THBS1: variants seen among roughly 807,000 people sequenced by gnomAD.
THBS1 encodes thrombospondin 1.
THBS1 carries 29 observed loss-of-function variants against 126.1 expected under a neutral mutation model. The ratio of observed to expected loss-of-function variants is 0.23; its 90% CI spans 0.17 to 0.31. The LOEUF (loss-of-function observed/expected upper bound fraction) is 0.31, where lower values mean the gene tolerates loss of function less well. THBS1 is among the 10% of genes least tolerant of loss of function. The pLI, the probability that THBS1 is intolerant of heterozygous loss-of-function variation, is 1.00. For missense variants in THBS1, 1,198 were observed against 1,545.2 expected (o/e 0.78, Z 3.77); for synonymous variants, 496 against 577.8 (o/e 0.86, Z 2.03).
chr15:39,590,174 A>T, intron 13 of THBS1, 151 bp downstream of exon 13: 1 of 823,154 alleles, frequency 1.2e-6, no homozygotes, highest in Non-Finnish European at 1.8e-6. Context: ...TATTAAAATT[A>T]AATCACTTGG....
chr15:39,586,444 T>A (rs1890209584), intron 7 of THBS1: 1 of 152,256 alleles, frequency 6.6e-6, no homozygotes, highest in South Asian at 2.1e-4. Flanking sequence ...TTACAACTAA[T>A]GACCACAGAA....
intron 1 of THBS1, 133 bp from the exon 2 acceptor site, chr15:39,581,696 C>G (rs962060109): frequency 5.4e-6 from 3 of 551,826 alleles, no homozygotes; most frequent in African/African-American, 1.9e-5. Flanking sequence ...ATCCTGTTGT[C>G]CTTCATTTCA....
intron 4 of THBS1, 53 bp downstream of exon 4, chr15:39,583,745 A>C: frequency 6.4e-7 from 1 of 1,556,392 alleles, no homozygotes; most frequent in Non-Finnish European, 8.8e-7. Flanking sequence ...GAATTCCACC[A>C]AAAACAAACT....
chr15:39,595,751 G>A lies in THBS1; in HGVS notation c.*382G>A. ...AGCATTTTCAGGCATGTCAGAGAAG[G>A]GAGGACTCACTAGAATTAGCAAACA... On this transcript the variant is annotated 3_prime_UTR_variant, in exon 22 of 22. Coordinates refer to ENST00000260356, the MANE Select transcript of THBS1 (RefSeq NM_003246.4). 1 of 481,864 alleles carries A rather than the reference G, an allele frequency of 2.1e-6. No homozygotes were observed. The allele number at this position is 481,864 out of a possible 1,614,324, so 29.8% of individuals were successfully genotyped here. A position where few individuals can be genotyped will look rare whatever the true frequency, so the allele number is the denominator to read the frequency against.
intron 14 of THBS1, 103 bp from the exon 15 acceptor site, chr15:39,591,088 T>C: frequency 7.7e-7 from 1 of 1,300,032 alleles, no homozygotes; most frequent in South Asian, 1.4e-5. Context: ...AGGTAGAAAG[T>C]ATTGCTGATT....
At position 39,591,333 on chromosome 15, in the gene THBS1, C is replaced by A. The variant is rs146772232; in HGVS notation, c.2396C>A (p.Ala799Glu). The A allele has an allele frequency of 1.4e-4, 226 of 1,613,970 alleles. No homozygotes were observed. Among genetic ancestry groups the A allele is most frequent in the Non-Finnish European group, 1.8e-4 (208 of 1,179,910 alleles). Residue 799 changes from alanine to glutamate, a missense_variant, in exon 15 of 22, where the codon GCA becomes GAA. Physicochemically the swap from Ala to Glu is moderately radical, Grantham distance 107 (BLOSUM62 -1). Coordinates refer to ENST00000260356, the MANE Select transcript of THBS1 (RefSeq NM_003246.4). ...DNNGEGDACA[A>E]DIDGDGILNE... ...AATGGGGAAGGAGACGCCTGTGCTGCAGACATTGATGGAGACGGTAAGGTG... is the reference window on the plus strand; with the variant it reads ...AATGGGGAAGGAGACGCCTGTGCTGAAGACATTGATGGAGACGGTAAGGTG...
chr15:39,583,583 C>A, intron 3 of THBS1, 34 bp from the exon 4 acceptor site: 1 of 1,439,206 alleles, frequency 6.9e-7, no homozygotes, highest in Non-Finnish European at 9.7e-7. Context: ...CCCCGCTCTG[C>A]ATTCTACAAG....
In THBS1 at chr15:39,592,171, G is replaced by A. The variant is rs553872161; in HGVS notation, c.2533-397G>A. Among the ~76,000 whole-genome samples the A allele has an allele frequency of 1.3e-5, 2 of 152,130 alleles. No homozygotes were observed. Among genetic ancestry groups the A allele is most frequent in the Non-Finnish European group, 1.5e-5 (1 of 68,018 alleles). ...TTCAGGACTTTTCAGAGAAGTCGAC[G>A]TGTCAACAGTTTTACAACTGAAACC... On this transcript the variant is annotated intron_variant, in intron 16 of 21. Coordinates refer to ENST00000260356, the MANE Select transcript of THBS1 (RefSeq NM_003246.4). The surrounding 1 kb of genome is among the most constrained non-coding windows in gnomAD (Gnocchi z 4.3).
intron 4 of THBS1, 122 bp from the exon 5 acceptor site, chr15:39,583,866 G>C: frequency 7.9e-7 from 1 of 1,273,026 alleles, no homozygotes; most frequent in Non-Finnish European, 1.1e-6. Context: ...ACACACGTGC[G>C]CATACACGCA....
rs139289744 is a variant in THBS1, at chr15:39,593,097, C to A, written c.2865C>A (p.Thr955=). ...ICPENVDISE[T]DFRRFQMIPL... ...CTGAGAATGTTGACATCAGTGAGAC[C>A]GATTTCCGCCGATTCCAGATGATTC... is the stretch of plus-strand genomic sequence containing the variant. Residue 955 remains threonine, a synonymous_variant, in exon 18 of 22, where the codon ACC becomes ACA. Coordinates refer to ENST00000260356, the MANE Select transcript of THBS1 (RefSeq NM_003246.4). The surrounding 1 kb of genome is among the most constrained non-coding windows in gnomAD (Gnocchi z 5.9). 2 of 1,596,034 alleles carry A rather than the reference C, an allele frequency of 1.3e-6. No homozygotes were observed. The highest frequency in any genetic ancestry group is 2.3e-5 in the South Asian group (2 of 87,138).
chr15:39,597,280 G>GTTTTTTTTTTTTTTTT lies in THBS1; in HGVS notation c.*1917_*1932dup. The GTTTTTTTTTTTTTTTT allele has an allele frequency of 1.0e-4, 5 of 48,058 alleles. No homozygotes were observed. Among genetic ancestry groups the GTTTTTTTTTTTTTTTT allele is most frequent in the Non-Finnish European group, 1.6e-4 (4 of 25,242 alleles). The allele number at this position is 48,058 out of a possible 1,614,324, so 3.0% of individuals were successfully genotyped here. ...GTTGGTTTTTTCTTTTTTTTGTTTT[G>GTTTTTTTTTTTTTTTT]TTTTTTTTTTTTTTTTTTTTTGCTT... On this transcript the variant is annotated 3_prime_UTR_variant, in exon 22 of 22. Transcript: ENST00000260356.
rs775779219 is a variant in THBS1, at chr15:39,582,188, AAC to A, written c.68-3_68-2del. On this transcript the variant is annotated splice_region_variant and splice_polypyrimidine_tract_variant and intron_variant, in intron 2 of 21. Coordinates refer to ENST00000260356, the MANE Select transcript of THBS1 (RefSeq NM_003246.4). Reference sequence around the variant, plus strand: ...GCTCACTTTGTGTTCTCTCCTGTCTAACAGAGTCTGGCGGAGACAACAGCGTG... The same window carrying A: ...GCTCACTTTGTGTTCTCTCCTGTCTAAGAGTCTGGCGGAGACAACAGCGTG... 12 of 1,591,288 alleles carry A rather than the reference AAC, an allele frequency of 7.5e-6. No individual in the cohort carries two copies. The highest frequency in any genetic ancestry group is 7.0e-5 in the Admixed American group (4 of 57,452).
chr15:39,582,255 T>A lies in THBS1; in HGVS notation c.130T>A (p.Ser44Thr), dbSNP rs1890122778. 3.1e-6 allele frequency: 5 copies of A among 1,613,814 alleles called. No individual in the cohort carries two copies. Among genetic ancestry groups the A allele is most frequent in the South Asian group, 1.1e-5 (1 of 91,072 alleles). ...ACTCACCGGGGCCGCCCGCAAGGGG[T>A]CTGGGCGCCGACTGGTGAAGGGCCC... Reference protein sequence around the residue: ...FELTGAARKGSGRRLVKGPDP... With the variant: ...FELTGAARKGTGRRLVKGPDP... Residue 44 changes from serine to threonine, a missense_variant, in exon 3 of 22, where the codon TCT becomes ACT. Physicochemically the swap from Ser to Thr is moderately conservative, Grantham distance 58. Around this residue, in one of 4 missense-constraint regions of THBS1, gnomAD observed 271 missense variants for 277.0 expected, o/e 0.98. Coordinates refer to ENST00000260356, the MANE Select transcript of THBS1 (RefSeq NM_003246.4).
In THBS1 at chr15:39,593,750, C is replaced by T. The variant is rs1890376992; in HGVS notation, c.3267+82C>T. On this transcript the variant is annotated intron_variant, in intron 19 of 21. Transcript: ENST00000260356. The surrounding 1 kb of genome is among the most constrained non-coding windows in gnomAD (Gnocchi z 5.9). ...GGGATGCTGTGCTTTGACCAAGACT[C>T]TGACCAGGGAGTCTTAGAAAGTTCC... 6.5e-7 allele frequency: 1 copy of T among 1,546,466 alleles called. No individual in the cohort carries two copies. The highest frequency in any genetic ancestry group is 8.7e-7 in the Non-Finnish European group (1 of 1,146,920).
chr15:39,585,488 A>C lies in THBS1; in HGVS notation c.1045A>C (p.Lys349Gln). 1 of 1,614,066 alleles carries C rather than the reference A, an allele frequency of 6.2e-7. No individual in the cohort carries two copies. Among genetic ancestry groups the C allele is most frequent in the Non-Finnish European group, 8.5e-7 (1 of 1,179,976 alleles). Residue 349 changes from lysine (K) to glutamine (Q), a missense_variant, in exon 7 of 22, where the codon AAA (lysine) becomes CAA (glutamine). By Grantham distance (53) the Lys-to-Gln change is moderately conservative. This residue lies in a region of THBS1 where 663 missense variants were observed against 860.1 expected (regional missense o/e 0.77). Transcript: ENST00000260356. ...CCTGCAGAACTCAGTTACCATCTGC[A>C]AAAAGGTGTCCTGCCCCATCATGCC... ...CHCQNSVTIC[K>Q]KVSCPIMPCS...
intron 3 of THBS1, among the ~76,000 whole-genome samples, chr15:39,582,992 G>A (rs987695199): frequency 5.3e-5 from 8 of 152,110 alleles, no homozygotes; most frequent in South Asian, 2.1e-4. Flanking sequence ...CGGTGGTCTG[G>A]GAAGCACACT....
rs755004299 is a variant in THBS1 at position 39,591,193 on chromosome 15, C to T, written c.2256C>T (p.Asp752=). ...DDNDKIPDDR[D]NCPFHYNPAQ... is the part of the protein sequence containing the mutation. ...TGCTCCATTTCTTCTCTTTGCAGGA[C>T]AACTGTCCATTCCATTACAACCCAG... Residue 752 remains aspartate, a splice_region_variant and synonymous_variant, in exon 15 of 22, where the codon GAC becomes GAT. Coordinates refer to ENST00000260356, the MANE Select transcript of THBS1 (RefSeq NM_003246.4). 1.9e-6 allele frequency: 3 copies of T among 1,613,464 alleles called. No homozygotes were observed. The South Asian group carries it at 3.3e-5, about 18-fold the overall frequency.
Position 39,592,890 on chromosome 15 carries a change from A to G in THBS1, c.2767+88A>G, listed in dbSNP as rs1890355538. The G allele has an allele frequency of 6.5e-7, 1 of 1,545,582 alleles. No individual in the cohort carries two copies. Among genetic ancestry groups the G allele is most frequent in the Non-Finnish European group, 8.9e-7 (1 of 1,129,546 alleles). ...ATGAAACCAAGGCTCAAAGCATTTG[A>G]CAGGATGAAGGGACCAAATGCCAAC... On this transcript the variant is annotated intron_variant, in intron 17 of 21. Coordinates refer to ENST00000260356, the MANE Select transcript of THBS1 (RefSeq NM_003246.4). The surrounding 1 kb of genome is among the most constrained non-coding windows in gnomAD (Gnocchi z 4.3).
rs1457814859 is a variant in THBS1 at position 39,589,086 on chromosome 15, G to A, written c.1773G>A (p.Glu591=). 3 of 1,613,794 alleles carry A rather than the reference G, an allele frequency of 1.9e-6. No homozygotes were observed. The East Asian group carries it at 6.7e-5, about 36-fold the overall frequency. The part of the protein sequence containing the change: ...GNGIQCTDVD[E]CKEVPDACFN... Reference sequence around the variant, plus strand: ...GCATCCAGTGCACAGATGTTGATGAGGTGAGGAACTGATGGGGCTCCGAGT... The same window carrying A: ...GCATCCAGTGCACAGATGTTGATGAAGTGAGGAACTGATGGGGCTCCGAGT... Residue 591 remains glutamate, a splice_region_variant and synonymous_variant, in exon 11 of 22, where the codon GAG becomes GAA. Transcript: ENST00000260356. This position sits in a 1 kb window ranked among gnomAD's most constrained non-coding sequence, Gnocchi z 4.7.
Sources: allele counts gnomAD v4.1 joint callset (sites outside exome capture counted in the v4.1 genomes callset), GRCh38; gene constraint gnomAD v4.1.1; regional missense constraint gnomAD v4.1.1; non-coding constraint Gnocchi (gnomAD v3.1); transcripts MANE v1.5; gene names NCBI Gene and HGNC (gene_info 2026-07-23, HGNC 2026-07-21).